Variants in AMOTL1 observed in about 807,000 individuals in gnomAD.
AMOTL1 encodes angiomotin-like protein 1.
AMOTL1 carries 45 observed loss-of-function variants against 102.9 expected under a neutral mutation model. That is an observed-to-expected ratio of 0.44 (90% confidence interval 0.34 to 0.56). The LOEUF (loss-of-function observed/expected upper bound fraction) is 0.56. Ranked by LOEUF, AMOTL1 falls within the 20% of genes least tolerant of loss-of-function variation. AMOTL1 has a pLI of 0.01. For synonymous variants in AMOTL1, 481 were observed against 484.7 expected (o/e 0.99, Z 0.10); for missense variants, 1,114 against 1,225.6 (o/e 0.91, Z 1.36).
At chr11:94,852,446 G>A (rs1460200922) in intron 7 of AMOTL1, among the ~76,000 whole-genome samples, 1 of 152,210 alleles carries the variant, frequency 6.6e-6, no homozygotes, top group Non-Finnish European at 1.5e-5. Context: ...CCCAGGTGCG[G>A]AATGACAGGA....
intron 11 of AMOTL1, among the ~76,000 whole-genome samples, chr11:94,867,796 A>C (rs928889285): frequency 6.6e-6 from 1 of 152,242 alleles, no homozygotes; most frequent in Admixed American, 6.5e-5. Context: ...CTACGAGGAC[A>C]TCCTGCAGAC....
chr11:94,725,218 G>A (rs1408679578), intron 1 of AMOTL1, among the ~76,000 whole-genome samples: 1 of 152,076 alleles, frequency 6.6e-6, no homozygotes, highest in Non-Finnish European at 1.5e-5. Context: ...TACAAGGGCA[G>A]GTATGTAAGC....
chr11:94,765,087 C>T (rs1950839896), upstream of AMOTL1, among the ~76,000 whole-genome samples: 2 of 152,186 alleles, frequency 1.3e-5, 1 homozygote, highest in South Asian at 4.1e-4. Context: ...TCCTGGTACT[C>T]GTCCTGTTTT....
intron 2 of AMOTL1, among the ~76,000 whole-genome samples, chr11:94,733,460 T>G (rs1051279567): frequency 6.6e-6 from 1 of 152,196 alleles, no homozygotes; most frequent in African/African-American, 2.4e-5. Context: ...TACAGCAAGG[T>G]CTCCTGCTTC....
intron 1 of AMOTL1, among the ~76,000 whole-genome samples, chr11:94,769,549 T>C (rs1044541288): frequency 3.3e-5 from 5 of 152,222 alleles, no homozygotes; most frequent in Admixed American, 1.3e-4. Flanking sequence ...ACTCTTCCTA[T>C]CTTTACTGAT....
chr11:94,837,023 G>A (rs1401892757), intron 6 of AMOTL1, among the ~76,000 whole-genome samples: 2 of 152,168 alleles, frequency 1.3e-5, no homozygotes, highest in Non-Finnish European at 2.9e-5. Context: ...TGAGCAAAGG[G>A]GAAGGATTGT....
intron 6 of AMOTL1, among the ~76,000 whole-genome samples, chr11:94,837,438 C>A (rs1316758956): frequency 1.3e-5 from 2 of 152,224 alleles, no homozygotes; most frequent in African/African-American, 4.8e-5. Context: ...GACCTGCCAA[C>A]TTTCAGGGTG....
At chr11:94,861,692 T>C (rs1438620908) in intron 9 of AMOTL1, among the ~76,000 whole-genome samples, 1 of 152,182 alleles carries the variant, frequency 6.6e-6, no homozygotes, top group East Asian at 1.9e-4. Context: ...CTGAGGACAC[T>C]AAAGCCCCAG....
chr11:94,834,878 G>A (rs1952143766), intron 6 of AMOTL1, among the ~76,000 whole-genome samples: 2 of 152,084 alleles, frequency 1.3e-5, no homozygotes, highest in South Asian at 4.1e-4. Flanking sequence ...CTCTGCTCAG[G>A]GTAGTTTTCT....
chr11:94,829,079 G>A (rs527595715), intron 4 of AMOTL1, among the ~76,000 whole-genome samples: 27 of 152,162 alleles, frequency 1.8e-4, no homozygotes, highest in South Asian at 4.1e-4. Context: ...TATATGTGCC[G>A]TAGATTAAAG....
rs370215061 is a variant in AMOTL1, at chr11:94,800,031, G to A, written c.841G>A (p.Gly281Ser). Residue 281 changes from glycine to serine, a missense_variant, in exon 3 of 13, where the codon GGC becomes AGC. Coordinates refer to ENST00000433060, the MANE Select transcript of AMOTL1 (RefSeq NM_130847.3). ...ERNGAKQHLP[G>S]SGNGKGFKVG... ...GAATGGGGCCAAGCAACACCTTCCC[G>A]GCTCGGGGAATGGAAAGGGCTTCAA... is the stretch of plus-strand genomic sequence containing the variant. 6.1e-5 allele frequency: 99 copies of A among 1,614,036 alleles called. No homozygotes were observed. The East Asian group carries it at 1.1e-3, about 19-fold the overall frequency.
At chr11:94,849,556 C>A (rs1445182653) in intron 6 of AMOTL1, among the ~76,000 whole-genome samples, 1 of 152,044 alleles carries the variant, frequency 6.6e-6, no homozygotes, top group Non-Finnish European at 1.5e-5. Context: ...TGTCCCTTTC[C>A]CCTTTTTAGC....
Position 94,775,933 on chromosome 11 carries a change from G to A in AMOTL1, c.49+7373G>A, listed in dbSNP as rs137946349. 3.5e-3 allele frequency among the ~76,000 whole-genome samples: 535 copies of A among 152,302 alleles called. 2 individuals are homozygous for A. Among genetic ancestry groups the A allele is most frequent in the Non-Finnish European group, 5.0e-3 (341 of 68,024 alleles). ...GCATGGCAACTGGGTTATGCTGGCGGCAAAGCTTACCAGGCCATTATCAGG... is the reference window on the plus strand; with the variant it reads ...GCATGGCAACTGGGTTATGCTGGCGACAAAGCTTACCAGGCCATTATCAGG... On this transcript the variant is annotated intron_variant, in intron 1 of 12. Coordinates refer to ENST00000433060, the MANE Select transcript of AMOTL1 (RefSeq NM_130847.3).
At chr11:94,756,858 C>T (rs1033858347) in intron 3 of AMOTL1, among the ~76,000 whole-genome samples, 1 of 152,124 alleles carries the variant, frequency 6.6e-6, no homozygotes, top group Non-Finnish European at 1.5e-5. Context: ...TATAACTTGG[C>T]CAATACGTGG....
intron 6 of AMOTL1, among the ~76,000 whole-genome samples, chr11:94,842,857 A>AG (rs1473894135): frequency 6.6e-6 from 1 of 152,056 alleles, no homozygotes; most frequent in Non-Finnish European, 1.5e-5. Context: ...TCCCTCTCCC[A>AG]GGGTTCTGCA....
chr11:94,862,107 C>T (rs1952786360), intron 9 of AMOTL1, among the ~76,000 whole-genome samples: 1 of 152,134 alleles, frequency 6.6e-6, no homozygotes, highest in South Asian at 2.1e-4. Flanking sequence ...CCCTTTCCAT[C>T]CCCGTCACCC....
rs759813675 is a variant in AMOTL1, at chr11:94,800,130, C to G, written c.940C>G (p.Pro314Ala). 6.2e-7 allele frequency: 1 copy of G among 1,613,786 alleles called. No individual in the cohort carries two copies. Among genetic ancestry groups the G allele is most frequent in the African/African-American group, 1.3e-5 (1 of 74,916 alleles). The change falls in exon 3 of 13, where the codon CCC (proline) becomes GCC (alanine). Residue 314 changes from proline (P) to alanine (A), a missense_variant. Physicochemically the swap from Pro to Ala is conservative, Grantham distance 27. Coordinates refer to ENST00000433060, the MANE Select transcript of AMOTL1 (RefSeq NM_130847.3). ...LDPRGPPPEY[P>A]FKTKQMMSPV... ...CCCTCGGGGTCCTCCACCTGAGTAC[C>G]CCTTCAAGACCAAGCAAATGATGTC...
At chr11:94,729,399 A>G (rs1231204317) in intron 2 of AMOTL1, among the ~76,000 whole-genome samples, 1 of 152,144 alleles carries the variant, frequency 6.6e-6, no homozygotes, top group Non-Finnish European at 1.5e-5. Flanking sequence ...TGAGCACCTA[A>G]CATGTGTTAG....
intron 4 of AMOTL1, among the ~76,000 whole-genome samples, chr11:94,822,541 G>A (rs1330038399): frequency 2.6e-5 from 4 of 152,116 alleles, no homozygotes; most frequent in East Asian, 3.9e-4. Flanking sequence ...TTCATTAGCC[G>A]GTCTCTGCAA....
Sources: allele counts gnomAD v4.1 joint callset (sites outside exome capture counted in the v4.1 genomes callset), GRCh38; gene constraint gnomAD v4.1.1; transcripts MANE v1.5; gene names NCBI Gene and HGNC (gene_info 2026-07-23, HGNC 2026-07-21).